Variants in ROCK1 observed in about 807,000 individuals in gnomAD.
The protein encoded by ROCK1 is rho-associated protein kinase 1.
Under a neutral mutation model 196.8 loss-of-function variants are expected in ROCK1, and 36 were observed. The observed-to-expected ratio is 0.18, with a 90% CI of 0.14 to 0.24. The LOEUF (loss-of-function observed/expected upper bound fraction) is 0.24. ROCK1 is among the 10% of genes least tolerant of loss of function. The pLI is 1.00. For synonymous variants in ROCK1, 443 were observed against 515.9 expected (o/e 0.86, Z 1.91); for missense variants, 920 against 1,562.0 (o/e 0.59, Z 6.93).
At chr18:21,110,296 C>A (rs1461277977) in intron 1 of ROCK1, among the ~76,000 whole-genome samples, 1 of 152,074 alleles carries the variant, frequency 6.6e-6, no homozygotes, top group Admixed American at 6.5e-5. Context: ...GCAAAAAGTT[C>A]CTTCAAACTC....
At chr18:21,093,332 A>G (rs1479094515) in intron 1 of ROCK1, among the ~76,000 whole-genome samples, 1 of 152,200 alleles carries the variant, frequency 6.6e-6, no homozygotes, top group Admixed American at 6.5e-5. Context: ...AAATAAGCAC[A>G]GGGCACGTTG....
At chr18:20,973,070 G>C (rs942869010) in intron 22 of ROCK1, among the ~76,000 whole-genome samples, 2 of 151,598 alleles carry the variant, frequency 1.3e-5, no homozygotes, top group African/African-American at 4.8e-5. Context: ...GTACAGATGG[G>C]GTTTCTCCAT....
Position 20,946,923 on chromosome 18 carries a change from T to C in ROCK1, c.*4461A>G, listed in dbSNP as rs1232887283. 6.6e-6 allele frequency: 1 copy of C among 152,206 alleles called. No individual in the cohort carries two copies. The allele number at this position is 152,206 out of a possible 1,614,324, so 9.4% of individuals were successfully genotyped here. On this transcript the variant is annotated 3_prime_UTR_variant, in exon 33 of 33. Coordinates refer to ENST00000399799, the MANE Select transcript of ROCK1 (RefSeq NM_005406.3). Reference sequence around the variant, plus strand: ...CAGGCAAATGAACCACTTAATTCAATTTAATAGCCAAACCATCCTACATGG... The same window carrying C: ...CAGGCAAATGAACCACTTAATTCAACTTAATAGCCAAACCATCCTACATGG...
intron 1 of ROCK1, among the ~76,000 whole-genome samples, chr18:21,083,077 A>T (rs1209528684): frequency 6.6e-6 from 1 of 152,192 alleles, no homozygotes; most frequent in Admixed American, 6.5e-5. Context: ...GAAACTTAAG[A>T]GCAGTTTCAT....
intron 32 of ROCK1, 155 bp downstream of exon 32, chr18:20,953,417 CAAGAAT>C (rs1215004252): frequency 4.0e-6 from 2 of 498,830 alleles, no homozygotes; most frequent in Non-Finnish European, 7.2e-6. Context: ...TAAACTCTAA[CAAGAAT>C]AAGTTAAACT....
chr18:20,997,904 T>A (rs2035686713), intron 16 of ROCK1, among the ~76,000 whole-genome samples: 1 of 151,896 alleles, frequency 6.6e-6, no homozygotes, highest in Non-Finnish European at 1.5e-5. Flanking sequence ...TGGCGTGATC[T>A]TGGCTCACTG....
At chr18:20,989,189 G>T (rs918702364) in intron 18 of ROCK1, among the ~76,000 whole-genome samples, 3 of 152,208 alleles carry the variant, frequency 2.0e-5, no homozygotes, top group African/African-American at 7.2e-5. Context: ...TTGGCAAGAT[G>T]ATGATGTGAT....
intron 17 of ROCK1, 26 bp from the exon 18 acceptor site, chr18:20,991,352 T>C: frequency 6.6e-7 from 1 of 1,518,782 alleles, no homozygotes; most frequent in Non-Finnish European, 9.0e-7. Flanking sequence ...AGGAGTCATG[T>C]AATAAACTGT....
In ROCK1 at chr18:20,949,356, T is replaced by G. The variant is rs2035160089; in HGVS notation, c.*2028A>C. On this transcript the variant is annotated 3_prime_UTR_variant, in exon 33 of 33. Transcript: ENST00000399799. ...ATGAGACCCCTGGGTCAGAGTCAGATGACTTCATTCACAGCACAGCAAAAG... is the reference window on the plus strand; with the variant it reads ...ATGAGACCCCTGGGTCAGAGTCAGAGGACTTCATTCACAGCACAGCAAAAG... 2 of 152,254 alleles carry G rather than the reference T, an allele frequency of 1.3e-5. No individual in the cohort carries two copies. Among genetic ancestry groups the G allele is most frequent in the Admixed American group, 1.3e-4 (2 of 15,284 alleles). The allele number at this position is 152,254 out of a possible 1,614,324, so 9.4% of individuals were successfully genotyped here.
chr18:21,080,107 G>A (rs1027585611), intron 1 of ROCK1, among the ~76,000 whole-genome samples: 17 of 152,054 alleles, frequency 1.1e-4, no homozygotes, highest in African/African-American at 1.9e-4. Context: ...AATTCGACTC[G>A]AGACGAAGAC....
intron 22 of ROCK1, among the ~76,000 whole-genome samples, chr18:20,975,729 G>C (rs1391763158): frequency 6.6e-6 from 1 of 152,090 alleles, no homozygotes; most frequent in Non-Finnish European, 1.5e-5. Context: ...TCCTGCCTCA[G>C]CCTCCCGAGT....
intron 13 of ROCK1, among the ~76,000 whole-genome samples, chr18:21,012,745 A>T (rs568790636): frequency 2.5e-4 from 38 of 152,142 alleles, no homozygotes; most frequent in Admixed American, 5.9e-4. Flanking sequence ...CCTCTCCTTT[A>T]GTAATTCGAG....
chr18:21,096,617 T>C (rs1487480856), intron 1 of ROCK1, among the ~76,000 whole-genome samples: 6 of 152,210 alleles, frequency 3.9e-5, no homozygotes, highest in Admixed American at 3.3e-4. Context: ...TCATTCACAA[T>C]AATTAATGAG....
At chr18:21,020,656 T>C (rs1008525090) in intron 11 of ROCK1, among the ~76,000 whole-genome samples, 1 of 152,064 alleles carries the variant, frequency 6.6e-6, no homozygotes, top group African/African-American at 2.4e-5. Context: ...AATCCTTGAG[T>C]TGAGGCCTAA....
At chr18:21,095,803 A>G (rs1476074292) in intron 1 of ROCK1, among the ~76,000 whole-genome samples, 1 of 152,108 alleles carries the variant, frequency 6.6e-6, no homozygotes, top group Non-Finnish European at 1.5e-5. Flanking sequence ...AACTATAGTC[A>G]ATAATAATTT....
intron 4 of ROCK1, among the ~76,000 whole-genome samples, chr18:21,048,544 T>G (rs892377288): frequency 1.3e-4 from 19 of 151,992 alleles, no homozygotes; most frequent in South Asian, 1.0e-3. Flanking sequence ...GTATTTAAAT[T>G]TTATATTTAT....
intron 16 of ROCK1, among the ~76,000 whole-genome samples, chr18:21,005,200 T>C (rs761361582): frequency 3.3e-5 from 5 of 152,224 alleles, no homozygotes; most frequent in Admixed American, 2.6e-4. Flanking sequence ...CTGAATTTTA[T>C]TACTATTTAA....
chr18:21,061,890 G>C (rs1311642826), intron 2 of ROCK1, among the ~76,000 whole-genome samples: 1 of 152,140 alleles, frequency 6.6e-6, no homozygotes, highest in East Asian at 1.9e-4. Context: ...ACCAATAATG[G>C]GAGCCAGGTT....
intron 13 of ROCK1, among the ~76,000 whole-genome samples, chr18:21,014,682 G>A (rs1428317754): frequency 6.6e-6 from 1 of 152,116 alleles, no homozygotes; most frequent in Non-Finnish European, 1.5e-5. Context: ...AATCTTCATA[G>A]ATATCCAAAG....
Sources: gnomAD v4.1 joint callset for allele counts (sites outside exome capture counted in the v4.1 genomes callset) on GRCh38, gnomAD v4.1.1 for gene constraint, MANE v1.5 for transcripts, NCBI Gene and HGNC (gene_info 2026-07-23, HGNC 2026-07-21) for gene names.